Variants in DAB1 observed in about 807,000 individuals in gnomAD.
The protein encoded by DAB1 is DAB adaptor protein 1.
Under a neutral mutation model 64.6 loss-of-function variants are expected in DAB1, and 15 were observed. That is an observed-to-expected ratio of 0.23 (90% confidence interval 0.16 to 0.36). The LOEUF is 0.36. Among genes scored for constraint, DAB1 ranks in the 10% least tolerant of loss-of-function variants. The pLI, the probability that DAB1 is intolerant of heterozygous loss-of-function variation, is 1.00. For synonymous variants in DAB1, 235 were observed against 251.9 expected (o/e 0.93, Z 0.64); for missense variants, 596 against 706.7 (o/e 0.84, Z 1.78).
At chr1:57,500,378 G>A (rs898591792) in intron 7 of DAB1, among the ~76,000 whole-genome samples, 2 of 152,208 alleles carry the variant, frequency 1.3e-5, no homozygotes, top group Non-Finnish European at 2.9e-5. Context: ...GATGAAGAAG[G>A]TCAACATATC....
intron 3 of DAB1, among the ~76,000 whole-genome samples, chr1:58,461,692 G>A (rs565667215): frequency 4.1e-4 from 63 of 152,280 alleles, no homozygotes; most frequent in Non-Finnish European, 7.1e-4. Flanking sequence ...GTGGTTCTAC[G>A]AGCACCCCAA....
chr1:57,425,904 A>C, upstream of DAB1, among the ~76,000 whole-genome samples: 1 of 152,210 alleles, frequency 6.6e-6, no homozygotes, highest in East Asian at 1.9e-4. Context: ...CTTACCAGGC[A>C]ACTCAATTAA....
intron 4 of DAB1, among the ~76,000 whole-genome samples, chr1:58,335,100 A>G (rs1569654864): frequency 6.6e-6 from 1 of 152,240 alleles, no homozygotes; most frequent in African/African-American, 2.4e-5. Flanking sequence ...AAATGAAATC[A>G]TATACGATCA....
intron 4 of DAB1, among the ~76,000 whole-genome samples, chr1:58,305,931 C>CCA (rs1662297105): frequency 6.6e-6 from 1 of 152,190 alleles, no homozygotes; most frequent in Admixed American, 6.5e-5. Flanking sequence ...GAGGGTCTTT[C>CCA]CACAGTTCCA....
intron 2 of DAB1, among the ~76,000 whole-genome samples, chr1:57,224,344 T>C (rs1024630907): frequency 1.3e-5 from 2 of 152,184 alleles, no homozygotes; most frequent in Non-Finnish European, 2.9e-5. Context: ...TGAGTTCTGA[T>C]GGAATTATGG....
intron 4 of DAB1, among the ~76,000 whole-genome samples, chr1:57,089,907 C>T (rs1410172484): frequency 6.6e-6 from 1 of 152,178 alleles, no homozygotes; most frequent in African/African-American, 2.4e-5. Flanking sequence ...TATACCTACA[C>T]ACAATATATA....
chr1:57,212,966 A>G (rs990839522), intron 2 of DAB1, among the ~76,000 whole-genome samples: 20 of 152,170 alleles, frequency 1.3e-4, no homozygotes, highest in Non-Finnish European at 2.1e-4. Context: ...TGTGGCAGGC[A>G]GGGGGCTGCA....
intron 6 of DAB1, among the ~76,000 whole-genome samples, chr1:57,695,344 G>T (rs1646817920): frequency 9.0e-6 from 1 of 111,108 alleles, no homozygotes; most frequent in Non-Finnish European, 1.8e-5. Context: ...AAGAAAGAAA[G>T]AAAGAAAGAA....
At chr1:57,803,854 C>A (rs911192694) in intron 6 of DAB1, among the ~76,000 whole-genome samples, 1 of 152,184 alleles carries the variant, frequency 6.6e-6, no homozygotes, top group Non-Finnish European at 1.5e-5. Context: ...TTTTTCCTAG[C>A]TCAGTGTTTT....
intron 7 of DAB1, among the ~76,000 whole-genome samples, chr1:57,505,567 T>C (rs1644334274): frequency 6.6e-6 from 1 of 152,242 alleles, no homozygotes; most frequent in South Asian, 2.1e-4. Context: ...AGGTTATAAA[T>C]ATTCACATAC....
rs1433424854 is a variant in DAB1, at chr1:58,236,472, A to AAAAAAC, written n.310-85890_310-85885dup. Among the ~76,000 whole-genome samples the AAAAAAC allele has an allele frequency of 1.2e-4, 18 of 152,158 alleles. 1 individual carries two copies. The highest frequency in any genetic ancestry group is 1.2e-3 in the Admixed American group (18 of 15,278). On this transcript the variant is annotated intron_variant and non_coding_transcript_variant, in intron 4 of 20. Transcript: ENST00000485760. The stretch of plus-strand genomic sequence containing the variant: ...AGATACTCTGTGACTGCTTCAGGGC[A>AAAAAAC]AAAAACAAAAACAAAAACTGAAAGG...
At chr1:58,332,856 A>T (rs1359192597) in intron 4 of DAB1, among the ~76,000 whole-genome samples, 1 of 152,100 alleles carries the variant, frequency 6.6e-6, no homozygotes, top group Non-Finnish European at 1.5e-5. Context: ...TCAAGGGAGG[A>T]AATATGGGAT....
intron 4 of DAB1, among the ~76,000 whole-genome samples, chr1:57,086,945 A>G (rs533917122): frequency 2.6e-5 from 4 of 152,254 alleles, no homozygotes; most frequent in Non-Finnish European, 5.9e-5. Flanking sequence ...TGGGGAAGTC[A>G]AAGATCTGTG....
intron 3 of DAB1, chr1:58,462,628 C>T (rs1001606965): frequency 1.4e-4 from 22 of 152,090 alleles, no homozygotes; most frequent in African/African-American, 5.1e-4. Flanking sequence ...GATATGTGGT[C>T]ATCGGTGGTC....
At chr1:58,507,828 T>G (rs1006338940) in intron 2 of DAB1, among the ~76,000 whole-genome samples, 5 of 152,060 alleles carry the variant, frequency 3.3e-5, no homozygotes, top group African/African-American at 1.2e-4. Context: ...CAGGCTGAGA[T>G]TAACAAGTAT....
In DAB1 at chr1:57,882,509, G is replaced by A. The variant is rs1644160135; in HGVS notation, n.87+1490C>T. ...CTCTAAGGAAAAGGAAATATGTTTT[G>A]GCTAATTTTTCCCCTCAGCATCTAG... is the stretch of plus-strand genomic sequence containing the variant. On this transcript the variant is annotated intron_variant and non_coding_transcript_variant, in intron 1 of 1. Transcript: ENST00000477280. 2.0e-5 allele frequency among the ~76,000 whole-genome samples: 3 copies of A among 152,148 alleles called. No individual in the cohort carries two copies. In the South Asian group the frequency reaches 6.2e-4, roughly 32 times the overall value.
At chr1:58,220,534 T>G (rs1659103921) in intron 4 of DAB1, among the ~76,000 whole-genome samples, 1 of 152,154 alleles carries the variant, frequency 6.6e-6, no homozygotes, top group South Asian at 2.1e-4. Flanking sequence ...AACATAGTCA[T>G]TTTTTAAATT....
intron 7 of DAB1, among the ~76,000 whole-genome samples, chr1:57,544,207 C>A (rs1644832781): frequency 1.3e-5 from 2 of 152,180 alleles, no homozygotes; most frequent in Non-Finnish European, 2.9e-5. Flanking sequence ...GACATAAACA[C>A]TCAGATTTGT....
intron 14 of DAB1, among the ~76,000 whole-genome samples, chr1:57,004,266 C>T (rs1033680515): frequency 6.6e-6 from 1 of 152,224 alleles, no homozygotes; most frequent in Non-Finnish European, 1.5e-5. Context: ...AAATGGTTTC[C>T]TATGTCACAT....
Sources: allele counts gnomAD v4.1 joint callset (sites outside exome capture counted in the v4.1 genomes callset), GRCh38; gene constraint gnomAD v4.1.1; transcripts MANE v1.5; gene names NCBI Gene and HGNC (gene_info 2026-07-23, HGNC 2026-07-21).